BRINP3: variants seen among roughly 807,000 people sequenced by gnomAD.
BRINP3 encodes the protein BMP/retinoic acid inducible neural specific 3.
BRINP3 carries 19 observed loss-of-function variants against 71.0 expected under a neutral mutation model. The ratio of observed to expected loss-of-function variants is 0.27; its 90% CI spans 0.19 to 0.39. The LOEUF (loss-of-function observed/expected upper bound fraction) is 0.39. BRINP3 is among the 10% of genes least tolerant of loss of function. BRINP3 has a pLI of 1.00. For synonymous variants in BRINP3, 380 were observed against 337.7 expected, an observed-to-expected ratio of 1.13 and a Z score of -1.37; for missense variants, 959 against 940.8, an observed-to-expected ratio of 1.02 and a Z score of -0.25.
chr1:190,258,829 A>G (rs1571543372), intron 4 of BRINP3, among the ~76,000 whole-genome samples: 1 of 152,312 alleles, frequency 6.6e-6, no homozygotes, highest in South Asian at 2.1e-4. Flanking sequence ...TGGAGGAGCC[A>G]TGTAGCCACA....
chr1:190,226,839 C>A (rs1657429243), intron 5 of BRINP3, among the ~76,000 whole-genome samples: 1 of 151,842 alleles, frequency 6.6e-6, no homozygotes, highest in Non-Finnish European at 1.5e-5. Flanking sequence ...TTATATAATT[C>A]TATTTTTCAA....
At chr1:190,382,866 C>T (rs959627257) in intron 2 of BRINP3, among the ~76,000 whole-genome samples, 16 of 152,120 alleles carry the variant, frequency 1.1e-4, no homozygotes, top group African/African-American at 3.9e-4. Context: ...ATGAACCACA[C>T]CAAACCAATC....
At chr1:190,142,896 C>T (rs1443631402) in intron 7 of BRINP3, among the ~76,000 whole-genome samples, 1 of 151,636 alleles carries the variant, frequency 6.6e-6, no homozygotes, top group Non-Finnish European at 1.5e-5. Flanking sequence ...TAAAACTATG[C>T]CTGGAAAACT....
At chr1:190,216,580 G>C (rs935288707) in intron 6 of BRINP3, among the ~76,000 whole-genome samples, 1 of 151,728 alleles carries the variant, frequency 6.6e-6, no homozygotes, top group African/African-American at 2.4e-5. Flanking sequence ...GCTGTAACAG[G>C]TGGGTTTTCC....
intron 2 of BRINP3, among the ~76,000 whole-genome samples, chr1:190,424,405 T>G (rs1673570439): frequency 6.6e-6 from 1 of 151,656 alleles, no homozygotes; most frequent in African/African-American, 2.4e-5. Flanking sequence ...AGGAGCATTT[T>G]AAAATTGGAG....
At chr1:190,386,094 G>A (rs534963996) in intron 2 of BRINP3, among the ~76,000 whole-genome samples, 1 of 125,072 alleles carries the variant, frequency 8.0e-6, no homozygotes, top group Non-Finnish European at 1.7e-5. Context: ...GGTGGGGGAG[G>A]GGGGAGGGAT....
At chr1:190,400,656 TA>T (rs912179982) in intron 2 of BRINP3, among the ~76,000 whole-genome samples, 1 of 152,186 alleles carries the variant, frequency 6.6e-6, no homozygotes, top group African/African-American at 2.4e-5. Flanking sequence ...TTGTCACCTA[TA>T]AGCACCATTC....
intron 4 of BRINP3, among the ~76,000 whole-genome samples, chr1:190,258,274 G>A (rs1048563241): frequency 3.9e-5 from 6 of 152,178 alleles, no homozygotes; most frequent in African/African-American, 1.4e-4. Flanking sequence ...GGCTCCGTGG[G>A]CATGGGACCT....
At chr1:190,349,002 T>C (rs1668200134) in intron 2 of BRINP3, among the ~76,000 whole-genome samples, 1 of 152,156 alleles carries the variant, frequency 6.6e-6, no homozygotes, top group Non-Finnish European at 1.5e-5. Flanking sequence ...ATGAGGAACT[T>C]ATACATTGAG....
chr1:190,376,872 C>A (rs1670218228), intron 2 of BRINP3, among the ~76,000 whole-genome samples: 1 of 151,848 alleles, frequency 6.6e-6, no homozygotes, highest in South Asian at 2.1e-4. Flanking sequence ...CTATTTTTAG[C>A]CATGAAGATA....
chr1:190,383,402 C>T (rs1383988332), intron 2 of BRINP3, among the ~76,000 whole-genome samples: 1 of 152,046 alleles, frequency 6.6e-6, no homozygotes, highest in African/African-American at 2.4e-5. Flanking sequence ...TAAGAGAATG[C>T]AATCAGTGTA....
chr1:190,412,828 G>T lies in BRINP3; in HGVS notation c.236+41827C>A, dbSNP rs116726492. On this transcript the variant is annotated intron_variant, in intron 2 of 7. Coordinates refer to ENST00000367462, the MANE Select transcript of BRINP3 (RefSeq NM_199051.3). The stretch of plus-strand genomic sequence containing the variant: ...TGGTAAAAATGTTAAAAAAATTTTG[G>T]TAAAAAATGCATAATGTGGGTTAAA... Among the ~76,000 whole-genome samples the T allele has an allele frequency of 6.6e-3, 997 of 151,778 alleles. 8 individuals are homozygous for T. The highest frequency in any genetic ancestry group is 0.023 in the African/African-American group (938 of 41,374).
intron 6 of BRINP3, among the ~76,000 whole-genome samples, chr1:190,208,562 A>C (rs1655714777): frequency 6.6e-6 from 1 of 151,962 alleles, no homozygotes; most frequent in African/African-American, 2.4e-5. Context: ...GCAAAATCGC[A>C]GCTCACTGCA....
intron 2 of BRINP3, among the ~76,000 whole-genome samples, chr1:190,289,462 T>C (rs1663688329): frequency 6.6e-6 from 1 of 152,076 alleles, no homozygotes; most frequent in Middle Eastern, 3.4e-3. Flanking sequence ...AATATGGTAC[T>C]TTGTGACAAA....
chr1:190,424,914 C>G (rs142851880), intron 2 of BRINP3, among the ~76,000 whole-genome samples: 1 of 151,540 alleles, frequency 6.6e-6, no homozygotes, highest in East Asian at 1.9e-4. Context: ...CTGTTTGAAA[C>G]AGCACACCCT....
rs1233295369 is a variant in BRINP3, at chr1:190,454,698, C to T, written c.193G>A (p.Asp65Asn). The stretch of plus-strand genomic sequence containing the variant: ...GTGCTAAATCCCTGCCGGCTTCTGT[C>T]CACAAAATCTGTGTATTCCTGTGAG... ...HRSQEYTDFV[D>N]RSRQGFSTRY... is the part of the protein sequence containing the mutation. Residue 65 changes from aspartate (D) to asparagine (N), a missense_variant, in exon 2 of 8, where the codon GAC becomes AAC. Physicochemically the swap from Asp to Asn is conservative, Grantham distance 23. Transcript: ENST00000367462. 1 of 1,614,096 alleles carries T rather than the reference C, an allele frequency of 6.2e-7. No homozygotes were observed. Among genetic ancestry groups the T allele is most frequent in the Non-Finnish European group, 8.5e-7 (1 of 1,180,022 alleles).
chr1:190,375,019 A>C (rs1330087142), intron 2 of BRINP3, among the ~76,000 whole-genome samples: 1 of 152,022 alleles, frequency 6.6e-6, no homozygotes, highest in South Asian at 2.1e-4. Context: ...GAGTAAACTA[A>C]TTTTTCAGAA....
At chr1:190,275,722 T>C (rs890609462) in intron 3 of BRINP3, among the ~76,000 whole-genome samples, 5 of 151,700 alleles carry the variant, frequency 3.3e-5, no homozygotes, top group African/African-American at 4.8e-5. Flanking sequence ...AAATGTCCAA[T>C]GTTCTAGAAC....
intron 5 of BRINP3, among the ~76,000 whole-genome samples, chr1:190,227,693 TG>T (rs1657531790): frequency 6.6e-6 from 1 of 151,906 alleles, no homozygotes; most frequent in African/African-American, 2.4e-5. Flanking sequence ...ATTGAGTGAC[TG>T]TGCTGAAGAG....
Sources: allele counts gnomAD v4.1 joint callset (sites outside exome capture counted in the v4.1 genomes callset), GRCh38; gene constraint gnomAD v4.1.1; transcripts MANE v1.5; gene names NCBI Gene and HGNC (gene_info 2026-07-23, HGNC 2026-07-21).